The following PPEF2 variants were observed in gnomAD, a reference collection of about 807,000 sequenced individuals.
The protein encoded by PPEF2 is protein phosphatase with EF-hand domain 2, also known as serine/threonine-protein phosphatase with EF-hands 2.
In PPEF2, 84 loss-of-function variants were observed where a neutral mutation model predicts 84.7. That is an observed-to-expected ratio of 0.99 (90% CI 0.83 to 1.19). The LOEUF (loss-of-function observed/expected upper bound fraction) is 1.19. Among genes scored for constraint, PPEF2 ranks in the 50% most tolerant of loss-of-function variants. PPEF2 has a pLI of 0.00. For synonymous variants in PPEF2, 346 were observed against 345.2 expected, an observed-to-expected ratio of 1.00 and a Z score of -0.03; for missense variants, 924 against 937.5, an observed-to-expected ratio of 0.99 and a Z score of 0.19.
intron 12 of PPEF2, among the ~76,000 whole-genome samples, chr4:75,872,767 T>G (rs1724316133): frequency 6.6e-6 from 1 of 152,220 alleles, no homozygotes; most frequent in Admixed American, 6.5e-5. Flanking sequence ...GTCCAAAGAT[T>G]AGTCAGGATG....
chr4:75,882,295 C>T lies in PPEF2; in HGVS notation c.933+631G>A, dbSNP rs181852864. ...CATCTTTTTTTTCTGCCAACTAGCA[C>T]GCTCTCTGGATGTAGTAGTAGGCAC... On this transcript the variant is annotated intron_variant, in intron 10 of 16. Coordinates refer to ENST00000286719, the MANE Select transcript of PPEF2 (RefSeq NM_006239.3). Among the ~76,000 whole-genome samples, 8 of 152,212 alleles carry T rather than the reference C, an allele frequency of 5.3e-5. No homozygotes were observed. The East Asian group carries it at 1.2e-3, about 22-fold the overall frequency.
At chr4:75,886,484 C>T (rs748431444) in intron 7 of PPEF2, among the ~76,000 whole-genome samples, 7 of 152,160 alleles carry the variant, frequency 4.6e-5, no homozygotes, top group African/African-American at 9.7e-5. Flanking sequence ...GGATTTCGCA[C>T]TGAGCAGAGC....
At chr4:75,894,216 T>A (rs1724957429) in intron 2 of PPEF2, among the ~76,000 whole-genome samples, 1 of 152,188 alleles carries the variant, frequency 6.6e-6, no homozygotes, top group African/African-American at 2.4e-5. Flanking sequence ...CTTATTTTTA[T>A]TATCTTTGTC....
chr4:75,890,676 A>G (rs890080043), intron 4 of PPEF2, among the ~76,000 whole-genome samples: 21 of 152,018 alleles, frequency 1.4e-4, no homozygotes, highest in African/African-American at 2.4e-5. Context: ...AGACTTAGAG[A>G]GTACAGAAAT....
At chr4:75,861,352 C>T (rs1274151119) in intron 16 of PPEF2, among the ~76,000 whole-genome samples, 1 of 151,898 alleles carries the variant, frequency 6.6e-6, no homozygotes, top group African/African-American at 2.4e-5. Context: ...TTAAAATCCT[C>T]TGGACCCCAT....
chr4:75,887,504 C>T (rs1252777414), intron 6 of PPEF2, among the ~76,000 whole-genome samples: 2 of 151,968 alleles, frequency 1.3e-5, no homozygotes, highest in African/African-American at 2.4e-5. Flanking sequence ...GCCTGTAGTC[C>T]CAGCTACTCG....
Position 75,884,686 on chromosome 4 carries a change from C to G in PPEF2, c.654G>C (p.Glu218Asp), listed in dbSNP as rs779693227. 3.7e-6 allele frequency: 6 copies of G among 1,613,758 alleles called. No individual in the cohort carries two copies. Among genetic ancestry groups the G allele is most frequent in the Non-Finnish European group, 3.4e-6 (4 of 1,179,778 alleles). The change falls in exon 8 of 17, where the codon GAG becomes GAC. Residue 218 changes from glutamate to aspartate, a missense_variant. Physicochemically the swap from Glu to Asp is conservative, Grantham distance 45 (BLOSUM62 2). Coordinates refer to ENST00000286719, the MANE Select transcript of PPEF2 (RefSeq NM_006239.3). ...TGAAGGCAAAAAGAATCATCAGGAT[C>G]TCTACTGAATCCTTGCCTCGATCCA... The part of the protein sequence containing the change: ...DFVDRGKDSV[E>D]ILMILFAFML...
rs746536776 is a variant in PPEF2 at position 75,860,894 on chromosome 4, G to C, written c.2035C>G (p.Gln679Glu). Residue 679 changes from glutamine (Q) to glutamate (E), a missense_variant, in exon 17 of 17, where the codon CAG (glutamine) becomes GAG (glutamate). Gln to Glu is a conservative substitution (Grantham distance 29). Coordinates refer to ENST00000286719, the MANE Select transcript of PPEF2 (RefSeq NM_006239.3). ...SGFISLDEFR[Q>E]TWKLFSSHMN... ...TGAGAGCTGAACAGCTTCCAGGTCT[G>C]CCTGAACTCGTCCAGTGAGATGAAC... 6 of 1,614,166 alleles carry C rather than the reference G, an allele frequency of 3.7e-6. No individual in the cohort carries two copies. The highest frequency in any genetic ancestry group is 5.1e-6 in the Non-Finnish European group (6 of 1,179,988).
rs903843119 is a variant in PPEF2 at position 75,902,297 on chromosome 4, T to C, written c.-126A>G. The C allele has an allele frequency of 6.6e-6, 1 of 152,284 alleles. No individual in the cohort carries two copies. Among genetic ancestry groups the C allele is most frequent in the Non-Finnish European group, 1.5e-5 (1 of 68,056 alleles). 9.4% of individuals were successfully genotyped at this position (152,284 alleles called of 1,614,324 possible). ...CAGAAATCTCTTTAACATGCAGGCG[T>C]GATCCCCATCCTGTCTTCAGAGTTG... On this transcript the variant is annotated 5_prime_UTR_variant, in exon 1 of 17. Transcript: ENST00000286719.
Position 75,891,987 on chromosome 4 carries a change from C to A in PPEF2, c.56-9G>T. The A allele has an allele frequency of 6.2e-7, 1 of 1,610,378 alleles. No homozygotes were observed. Among genetic ancestry groups the A allele is most frequent in the Non-Finnish European group, 8.5e-7 (1 of 1,176,906 alleles). ...GGCTGCTGCCTTGAAGGCTATGACACCGATGGAGAAGCAAGCCTGTGAGCT... is the reference window on the plus strand; with the variant it reads ...GGCTGCTGCCTTGAAGGCTATGACAACGATGGAGAAGCAAGCCTGTGAGCT... On this transcript the variant is annotated splice_polypyrimidine_tract_variant and intron_variant, in intron 2 of 16. Coordinates refer to ENST00000286719, the MANE Select transcript of PPEF2 (RefSeq NM_006239.3).
chr4:75,864,216 A>C (rs1724074951), intron 16 of PPEF2, among the ~76,000 whole-genome samples: 1 of 152,274 alleles, frequency 6.6e-6, no homozygotes, highest in South Asian at 2.1e-4. Flanking sequence ...AGAAGCTCTC[A>C]TTCAGTTTGT....
Position 75,884,636 on chromosome 4 carries a change from T to C in PPEF2, c.704A>G (p.His235Arg), listed in dbSNP as rs1292742576. The change falls in exon 8 of 17, where the codon CAT becomes CGT. Residue 235 changes from histidine (H) to arginine (R), a missense_variant. Coordinates refer to ENST00000286719, the MANE Select transcript of PPEF2 (RefSeq NM_006239.3). ...GTCCTCATGGTTTCCTCTGTTAAGA[T>C]GGAACTCTTTGGGGTAAACCAGCAT... The part of the protein sequence containing the change: ...AFMLVYPKEF[H>R]LNRGNHEDHM... 1.2e-6 allele frequency: 2 copies of C among 1,613,360 alleles called. No individual in the cohort carries two copies. The highest frequency in any genetic ancestry group is 1.7e-5 in the Admixed American group (1 of 59,824).
intron 13 of PPEF2, among the ~76,000 whole-genome samples, chr4:75,868,547 C>T (rs1393916377): frequency 6.6e-6 from 1 of 151,820 alleles, no homozygotes; most frequent in Non-Finnish European, 1.5e-5. Flanking sequence ...GAGTGTGAAC[C>T]TAGCCTGGCA....
At chr4:75,874,436 C>T (rs1724360076) in intron 11 of PPEF2, among the ~76,000 whole-genome samples, 1 of 151,930 alleles carries the variant, frequency 6.6e-6, no homozygotes, top group Admixed American at 6.6e-5. Flanking sequence ...GCTGAGATTA[C>T]AGGCGTGTGC....
At chr4:75,890,806 A>G (rs575322014) in intron 4 of PPEF2, among the ~76,000 whole-genome samples, 1 of 152,228 alleles carries the variant, frequency 6.6e-6, no homozygotes, top group Non-Finnish European at 1.5e-5. Context: ...GCCTTCCAGC[A>G]GCTTCCAGCT....
At chr4:75,886,787 TACTG>T (rs1724737250) in intron 7 of PPEF2, 61 bp downstream of exon 7, 1 of 900,362 alleles carries the variant, frequency 1.1e-6, no homozygotes, top group African/African-American at 1.7e-5. Flanking sequence ...GTTCAATTGA[TACTG>T]AATTTGAGCT....
At chr4:75,882,714 G>T in intron 10 of PPEF2, 1 of 503,630 alleles carries the variant, frequency 2.0e-6, no homozygotes, top group Non-Finnish European at 3.4e-6. Flanking sequence ...GCCCAGACTG[G>T]TCTCAAACTC....
At chr4:75,878,421 G>C (rs772182927) in intron 10 of PPEF2, among the ~76,000 whole-genome samples, 1 of 152,210 alleles carries the variant, frequency 6.6e-6, no homozygotes, top group Non-Finnish European at 1.5e-5. Context: ...TTCACAAAAG[G>C]AACTCTGTGT....
chr4:75,895,155 TGGTGGCTCA>T (rs1724979764), intron 2 of PPEF2, among the ~76,000 whole-genome samples: 1 of 141,134 alleles, frequency 7.1e-6, no homozygotes, highest in South Asian at 2.2e-4. Context: ...TTGCTGGGCA[TGGTGGCTCA>T]CTTCTGTAAT....
Sources: gnomAD v4.1 joint callset for allele counts (sites outside exome capture counted in the v4.1 genomes callset) on GRCh38, gnomAD v4.1.1 for gene constraint, MANE v1.5 for transcripts, NCBI Gene and HGNC (gene_info 2026-07-23, HGNC 2026-07-21) for gene names.